Variants in SWT1 observed in about 807,000 individuals in gnomAD.
The protein encoded by SWT1 is SWT1 RNA endoribonuclease homolog, also known as transcriptional protein SWT1.
Under a neutral mutation model 107.3 loss-of-function variants are expected in SWT1, and 33 were observed. That is an observed-to-expected ratio of 0.31 (90% confidence interval 0.23 to 0.41). SWT1 has a LOEUF of 0.41. Ranked by LOEUF, SWT1 falls within the 10% of genes least tolerant of loss-of-function variation. The probability of loss-of-function intolerance (pLI) is 1.00; values close to 1 mark genes in which losing one functional copy is unlikely to be tolerated. For missense variants in SWT1, 898 were observed against 1,028.9 expected (o/e 0.87, Z 1.74); for synonymous variants, 345 against 348.3 (o/e 0.99, Z 0.11).
At chr1:185,176,430 G>A (rs1655565948) in intron 5 of SWT1, 1 of 293,640 alleles carries the variant, frequency 3.4e-6, no homozygotes, top group African/African-American at 2.3e-5. Context: ...TTTAGGCAGA[G>A]GGAGCTACAT....
At chr1:185,187,045 G>A (rs1197769231) in intron 9 of SWT1, among the ~76,000 whole-genome samples, 12 of 127,576 alleles carry the variant, frequency 9.4e-5, no homozygotes, top group East Asian at 2.3e-4. Flanking sequence ...GTGAGCCACC[G>A]CGCCCAGCTT....
At chr1:185,254,651 C>T (rs967481044) in intron 16 of SWT1, among the ~76,000 whole-genome samples, 2 of 151,856 alleles carry the variant, frequency 1.3e-5, no homozygotes, top group African/African-American at 2.4e-5. Context: ...TTTATTGTGT[C>T]TATTTGATTC....
Position 185,174,416 on chromosome 1 carries a change from G to A in SWT1, c.269G>A (p.Gly90Asp), listed in dbSNP as rs1029002681. Reference sequence around the variant, plus strand: ...ACTCTCAGAAGGAGACCAAAAATCGGTTCTTCATCCCAAAGACCTATTAAA... The same window carrying A: ...ACTCTCAGAAGGAGACCAAAAATCGATTCTTCATCCCAAAGACCTATTAAA... ...IDTLRRRPKI[G>D]SSSQRPIKLK... is the part of the protein sequence containing the mutation. Residue 90 changes from glycine (G) to aspartate (D), a missense_variant, in exon 5 of 19, where the codon GGT becomes GAT. By Grantham distance (94) the Gly-to-Asp change is moderately conservative. This residue lies in a region of SWT1 where 382 missense variants were observed against 362.4 expected (regional missense o/e 1.05). Coordinates refer to ENST00000367500, the MANE Select transcript of SWT1 (RefSeq NM_017673.7). 3 of 1,586,486 alleles carry A rather than the reference G, an allele frequency of 1.9e-6. No homozygotes were observed. The highest frequency in any genetic ancestry group is 1.2e-5 in the South Asian group (1 of 85,450).
Position 185,264,254 on chromosome 1 carries a change from A to G in SWT1, c.2442-7069A>G, listed in dbSNP as rs376231213. The G allele has an allele frequency of 1.7e-5, 10 of 592,498 alleles. No individual in the cohort carries two copies. The East Asian group carries it at 5.7e-4, about 34-fold the overall frequency. 36.7% of individuals were successfully genotyped at this position (592,498 alleles called of 1,614,324 possible). On this transcript the variant is annotated intron_variant, in intron 16 of 18. Coordinates refer to ENST00000367500, the MANE Select transcript of SWT1 (RefSeq NM_017673.7). Reference sequence around the variant, plus strand: ...TGAAAAGTGTAGTTAAGTATATAGTAGACATCTTTTGCTTTTCATTTTTCT... The same window carrying G: ...TGAAAAGTGTAGTTAAGTATATAGTGGACATCTTTTGCTTTTCATTTTTCT...
Position 185,162,250 on chromosome 1 carries a change from G to T in SWT1, c.84+1325G>T, listed in dbSNP as rs138629119. On this transcript the variant is annotated intron_variant, in intron 2 of 18. Coordinates refer to ENST00000367500, the MANE Select transcript of SWT1 (RefSeq NM_017673.7). ...AGGTTTAGTCAGACTTTTTCTTTCC[G>T]TAACTCCTATAGCAGTGGTTTCTGT... 2.2e-3 allele frequency among the ~76,000 whole-genome samples: 342 copies of T among 152,150 alleles called. 2 individuals carry two copies. Among genetic ancestry groups the T allele is most frequent in the African/African-American group, 7.6e-3 (317 of 41,498 alleles).
At chr1:185,221,002 T>G (rs1434012735) in intron 14 of SWT1, among the ~76,000 whole-genome samples, 1 of 152,136 alleles carries the variant, frequency 6.6e-6, no homozygotes. Context: ...TCTGGGGAAG[T>G]AATCAAGAAG....
chr1:185,190,087 A>G (rs550738514), intron 9 of SWT1, among the ~76,000 whole-genome samples: 6 of 152,162 alleles, frequency 3.9e-5, no homozygotes, highest in Non-Finnish European at 7.3e-5. Flanking sequence ...ACCTCAAGTG[A>G]TCTGCACACC....
At chr1:185,202,188 C>G (rs1657940341) in intron 10 of SWT1, among the ~76,000 whole-genome samples, 1 of 152,144 alleles carries the variant, frequency 6.6e-6, no homozygotes, top group Non-Finnish European at 1.5e-5. Context: ...TGGCTTCTTT[C>G]AGCAAACAGC....
At chr1:185,180,984 C>A (rs1655972295) in intron 6 of SWT1, among the ~76,000 whole-genome samples, 1 of 152,110 alleles carries the variant, frequency 6.6e-6, no homozygotes, top group South Asian at 2.1e-4. Context: ...TAAAGACTTT[C>A]AGGCAAAGCA....
chr1:185,257,733 C>T (rs559994694), intron 16 of SWT1, among the ~76,000 whole-genome samples: 15 of 152,370 alleles, frequency 9.8e-5, no homozygotes, highest in African/African-American at 3.4e-4. Flanking sequence ...GCAGAAATCA[C>T]CGCCTTCTGC....
intron 15 of SWT1, among the ~76,000 whole-genome samples, chr1:185,228,463 A>G (rs564905208): frequency 3.6e-4 from 54 of 151,980 alleles, no homozygotes; most frequent in African/African-American, 1.3e-3. Context: ...TCAAGGCTGC[A>G]GTGAGCTGTG....
intron 2 of SWT1, among the ~76,000 whole-genome samples, chr1:185,161,967 A>G (rs1303174766): frequency 2.0e-5 from 3 of 152,196 alleles, no homozygotes; most frequent in Non-Finnish European, 4.4e-5. Flanking sequence ...AGGTTAGTTC[A>G]TAAGACTTTT....
intron 18 of SWT1, among the ~76,000 whole-genome samples, chr1:185,282,853 G>A (rs189884368): frequency 1.3e-5 from 2 of 152,232 alleles, no homozygotes; most frequent in East Asian, 3.9e-4. Context: ...TGGAGTATAT[G>A]AGAGTATAGT....
At chr1:185,216,248 A>G in intron 14 of SWT1, among the ~76,000 whole-genome samples, 1 of 152,098 alleles carries the variant, frequency 6.6e-6, no homozygotes, top group East Asian at 1.9e-4. Flanking sequence ...TGGTAGTTTT[A>G]TTTTTTTAAT....
chr1:185,196,243 A>G (rs911671164), intron 10 of SWT1, among the ~76,000 whole-genome samples: 2 of 152,192 alleles, frequency 1.3e-5, no homozygotes, highest in African/African-American at 4.8e-5. Flanking sequence ...CATTTATTAT[A>G]TAGGGAATCC....
intron 18 of SWT1, among the ~76,000 whole-genome samples, chr1:185,286,596 TG>T (rs1664964670): frequency 1.3e-5 from 2 of 152,188 alleles, no homozygotes; most frequent in African/African-American, 4.8e-5. Flanking sequence ...CTATCATAAG[TG>T]GAATTATTTC....
intron 18 of SWT1, among the ~76,000 whole-genome samples, chr1:185,288,349 G>T (rs1172938200): frequency 6.6e-6 from 1 of 152,138 alleles, no homozygotes; most frequent in African/African-American, 2.4e-5. Flanking sequence ...GAGTTGCTAG[G>T]ATTACAGATG....
intron 3 of SWT1, 127 bp from the exon 4 acceptor site, chr1:185,168,211 AAT>A: frequency 3.8e-6 from 2 of 521,156 alleles, no homozygotes; most frequent in Non-Finnish European, 6.2e-6. Flanking sequence ...GGATGATGAT[AAT>A]ATCCATCTCA....
At chr1:185,157,519 C>T (rs1653710824) in intron 1 of SWT1, 1 of 150,212 alleles carries the variant, frequency 6.7e-6, no homozygotes, top group Non-Finnish European at 1.5e-5. Flanking sequence ...CGGGGCTGCC[C>T]CTTGCCCGGT....
Sources: gnomAD v4.1 joint callset for allele counts (sites outside exome capture counted in the v4.1 genomes callset) on GRCh38, gnomAD v4.1.1 for gene constraint, gnomAD v4.1.1 regional missense constraint, MANE v1.5 for transcripts, NCBI Gene and HGNC (gene_info 2026-07-23, HGNC 2026-07-21) for gene names.